Variants in WFDC10A observed in about 807,000 individuals in gnomAD.
WFDC10A encodes the protein WAP four-disulfide core domain 10A, also known as WAP four-disulfide core domain protein 10A.
A neutral mutation model predicts 2.6 loss-of-function variants in WFDC10A; 2 were observed. The ratio of observed to expected loss-of-function variants is 0.76; its 90% CI spans 0.31 to 2.40. The LOEUF (loss-of-function observed/expected upper bound fraction) is 2.40. Among genes scored for constraint, WFDC10A ranks in the 30% most tolerant of loss-of-function variants. The pLI, the probability that WFDC10A is intolerant of heterozygous loss-of-function variation, is 0.12. For missense variants in WFDC10A, 84 were observed against 91.8 expected, an observed-to-expected ratio of 0.92 and a Z score of 0.35; for synonymous variants, 36 against 36.3, an observed-to-expected ratio of 0.99 and a Z score of 0.03.
chr20:45,630,780 C>T lies in WFDC10A; in HGVS notation c.92-90C>T. 6 of 1,382,822 alleles carry T rather than the reference C, an allele frequency of 4.3e-6. No individual in the cohort carries two copies. In the South Asian group the frequency reaches 9.6e-5, roughly 22 times the overall value. 85.7% of individuals were successfully genotyped at this position (1,382,822 alleles called of 1,614,324 possible). On this transcript the variant is annotated intron_variant, in intron 1 of 1. Transcript: ENST00000372643. ...AATCCAGGAGTATCATGACTGAGAC[C>T]TGGGTTCAAGGGTCTTGGAGGAGGC...
At chr20:45,630,806 T>C in intron 1 of WFDC10A, 64 bp from the exon 2 acceptor site, 2 of 1,496,400 alleles carry the variant, frequency 1.3e-6, no homozygotes, top group Non-Finnish European at 1.8e-6. Context: ...TGGAGGAGGC[T>C]TCAGCTTGAG....
chr20:45,630,050 TAA>T, intron 1 of WFDC10A, 146 bp downstream of exon 1: 2 of 1,161,134 alleles, frequency 1.7e-6, no homozygotes, highest in South Asian at 3.5e-5. Flanking sequence ...GGACTGTCCC[TAA>T]ACCATGGCCC....
intron 1 of WFDC10A, 92 bp from the exon 2 acceptor site, chr20:45,630,778 A>C (rs1982343850): frequency 2.9e-6 from 4 of 1,365,798 alleles, no homozygotes; most frequent in Non-Finnish European, 3.9e-6. Context: ...CATGACTGAG[A>C]CCTGGGTTCA....
Position 45,631,150 on chromosome 20 carries a change from C to A in WFDC10A, c.*132C>A. 9.6e-7 allele frequency: 1 copy of A among 1,038,928 alleles called. No homozygotes were observed. Among genetic ancestry groups the A allele is most frequent in the Non-Finnish European group, 1.3e-6 (1 of 761,618 alleles). The allele number at this position is 1,038,928 out of a possible 1,614,324, so 64.4% of individuals were successfully genotyped here. A position where few individuals can be genotyped will look rare whatever the true frequency, so the allele number is the denominator to read the frequency against. On this transcript the variant is annotated 3_prime_UTR_variant, in exon 2 of 2. Transcript: ENST00000372643. ...ACAGGAATGCCGCCCTCTCTACTGTCTGAACCCCTTGTCCCTGTCAAATAA... is the reference window on the plus strand; with the variant it reads ...ACAGGAATGCCGCCCTCTCTACTGTATGAACCCCTTGTCCCTGTCAAATAA...
intron 1 of WFDC10A, 86 bp downstream of exon 1, chr20:45,629,990 T>C: frequency 2.0e-6 from 3 of 1,533,854 alleles, no homozygotes; most frequent in African/African-American, 1.4e-5. Flanking sequence ...GACCTAGGAG[T>C]TGGAAACTCT....
rs138335721 is a variant in WFDC10A, at chr20:45,629,834, G to A, written c.21G>A (p.Leu7=). MAPQTL[L]PVLVLCVLLL... ...GAGTCATGGCACCCCAGACTCTGCTGCCTGTCCTGGTTCTCTGTGTGCTGC... is the reference window on the plus strand; with the variant it reads ...GAGTCATGGCACCCCAGACTCTGCTACCTGTCCTGGTTCTCTGTGTGCTGC... Residue 7 remains leucine (L), a synonymous_variant, in exon 1 of 2, where the codon CTG becomes CTA. Coordinates refer to ENST00000372643, the MANE Select transcript of WFDC10A (RefSeq NM_080753.3). The A allele has an allele frequency of 6.4e-4, 1,037 of 1,614,008 alleles. 5 individuals carry two copies. The African/African-American group carries it at 0.012, about 19-fold the overall frequency.
chr20:45,629,966 T>TC lies in WFDC10A; in HGVS notation c.91+64dup, dbSNP rs1982317105. The TC allele has an allele frequency of 7.5e-6, 12 of 1,589,494 alleles. No homozygotes were observed. The East Asian group carries it at 2.7e-4, about 36-fold the overall frequency. Reference sequence around the variant, plus strand: ...GGGTAGGGGGAATGGAGGGCCTGTGTCCAGTCTGAGTAGGACCTAGGAGTT... The same window carrying TC: ...GGGTAGGGGGAATGGAGGGCCTGTGTCCCAGTCTGAGTAGGACCTAGGAGTT... On this transcript the variant is annotated intron_variant, in intron 1 of 1. Coordinates refer to ENST00000372643, the MANE Select transcript of WFDC10A (RefSeq NM_080753.3).
intron 1 of WFDC10A, among the ~76,000 whole-genome samples, chr20:45,630,527 T>G (rs530058301): frequency 1.4e-4 from 22 of 152,282 alleles, no homozygotes; most frequent in African/African-American, 5.3e-4. Context: ...AGATGTCTCA[T>G]GCTTCTTTGA....
rs1258523074 is a variant in WFDC10A, at chr20:45,631,183, C to T, written c.*165C>T. On this transcript the variant is annotated 3_prime_UTR_variant, in exon 2 of 2. Coordinates refer to ENST00000372643, the MANE Select transcript of WFDC10A (RefSeq NM_080753.3). The stretch of plus-strand genomic sequence containing the variant: ...CTTGTCCCTGTCAAATAAACCAGAA[C>T]AAATGCCCAGGGATCCTACCTCTTT... The T allele has an allele frequency of 2.8e-6, 2 of 702,678 alleles. No individual in the cohort carries two copies. Among genetic ancestry groups the T allele is most frequent in the South Asian group, 4.2e-5 (1 of 23,612 alleles). 43.5% of individuals were successfully genotyped at this position (702,678 alleles called of 1,614,324 possible).
At position 45,629,831 on chromosome 20, in the gene WFDC10A, G is replaced by T; in HGVS notation, c.18G>T (p.Leu6=). The T allele has an allele frequency of 6.2e-7, 1 of 1,613,920 alleles. No homozygotes were observed. The highest frequency in any genetic ancestry group is 8.5e-7 in the Non-Finnish European group (1 of 1,179,956). The change falls in exon 1 of 2, where the codon CTG becomes CTT. Residue 6 remains leucine, a synonymous_variant. Transcript: ENST00000372643. ...TCAGAGTCATGGCACCCCAGACTCT[G>T]CTGCCTGTCCTGGTTCTCTGTGTGC... MAPQT[L]LPVLVLCVLL...
intron 1 of WFDC10A, among the ~76,000 whole-genome samples, chr20:45,630,155 G>A (rs1982323136): frequency 6.6e-6 from 1 of 152,152 alleles, no homozygotes; most frequent in South Asian, 2.1e-4. Flanking sequence ...GAGAGAAATG[G>A]CACATCCCAT....
In WFDC10A at chr20:45,629,849, C is replaced by G; in HGVS notation, c.36C>G (p.Leu12=). The G allele has an allele frequency of 6.2e-7, 1 of 1,614,044 alleles. No individual in the cohort carries two copies. The highest frequency in any genetic ancestry group is 8.5e-7 in the Non-Finnish European group (1 of 1,179,996). ...APQTLLPVLV[L]CVLLLQAQGG... ...AGACTCTGCTGCCTGTCCTGGTTCT[C>G]TGTGTGCTGCTGCTGCAGGCCCAGG... Residue 12 remains leucine, a synonymous_variant, in exon 1 of 2, where the codon CTC becomes CTG. Coordinates refer to ENST00000372643, the MANE Select transcript of WFDC10A (RefSeq NM_080753.3).
At chr20:45,629,939 T>A in intron 1 of WFDC10A, 35 bp downstream of exon 1, 1 of 1,604,834 alleles carries the variant, frequency 6.2e-7, no homozygotes, top group Non-Finnish European at 8.5e-7. Flanking sequence ...TGAGGGGGAA[T>A]TGGGTAGGGG....
chr20:45,629,858 G>A lies in WFDC10A; in HGVS notation c.45G>A (p.Leu15=). Residue 15 remains leucine (L), a synonymous_variant, in exon 1 of 2, where the codon CTG becomes CTA. Transcript: ENST00000372643. ...TGCCTGTCCTGGTTCTCTGTGTGCT[G>A]CTGCTGCAGGCCCAGGGAGGATACC... The part of the protein sequence containing the change: ...TLLPVLVLCV[L]LLQAQGGYRD... The A allele has an allele frequency of 6.2e-7, 1 of 1,614,098 alleles. No homozygotes were observed. Among genetic ancestry groups the A allele is most frequent in the Non-Finnish European group, 8.5e-7 (1 of 1,180,006 alleles).
In WFDC10A at chr20:45,631,043, A is replaced by T. The variant is rs1192926683; in HGVS notation, c.*25A>T. On this transcript the variant is annotated 3_prime_UTR_variant, in exon 2 of 2. Transcript: ENST00000372643. ...AGTGGGAGAGTGGGCTGGGATGTGCATCCTGCTTCCCAACTCCTCTATCCA... is the reference window on the plus strand; with the variant it reads ...AGTGGGAGAGTGGGCTGGGATGTGCTTCCTGCTTCCCAACTCCTCTATCCA... 6.4e-7 allele frequency: 1 copy of T among 1,566,508 alleles called. No individual in the cohort carries two copies. The highest frequency in any genetic ancestry group is 8.6e-7 in the Non-Finnish European group (1 of 1,157,668).
At chr20:45,630,104 A>G (rs1157672) in intron 1 of WFDC10A, among the ~76,000 whole-genome samples, 200 bp downstream of exon 1, 53,615 of 152,064 alleles carry the variant, frequency 0.35, 9,558 homozygotes, top group Middle Eastern at 0.44. Flanking sequence ...ATGGGAATGA[A>G]GAAGAAACCT....
Position 45,629,772 on chromosome 20 carries a change from G to T in WFDC10A, c.-42G>T. The T allele has an allele frequency of 6.2e-7, 1 of 1,600,330 alleles. No homozygotes were observed. Among genetic ancestry groups the T allele is most frequent in the Non-Finnish European group, 8.5e-7 (1 of 1,172,574 alleles). On this transcript the variant is annotated 5_prime_UTR_variant, in exon 1 of 2. Transcript: ENST00000372643. ...TAGACAGCTCTGCAGGGAAGTCTGTGACAACCTGGCCAGACATAGGGCTCA... is the reference window on the plus strand; with the variant it reads ...TAGACAGCTCTGCAGGGAAGTCTGTTACAACCTGGCCAGACATAGGGCTCA...
At chr20:45,630,754 G>GT in intron 1 of WFDC10A, 116 bp from the exon 2 acceptor site, 1 of 1,170,246 alleles carries the variant, frequency 8.5e-7, no homozygotes. Context: ...TATGAAGAAG[G>GT]AATCCAGGAG....
At chr20:45,629,944 T>G in intron 1 of WFDC10A, 40 bp downstream of exon 1, 1 of 1,569,572 alleles carries the variant, frequency 6.4e-7, no homozygotes, top group Non-Finnish European at 8.7e-7. Context: ...GGGAATTGGG[T>G]AGGGGGAATG....
Sources: allele counts gnomAD v4.1 joint callset (sites outside exome capture counted in the v4.1 genomes callset), GRCh38; gene constraint gnomAD v4.1.1; transcripts MANE v1.5; gene names NCBI Gene and HGNC (gene_info 2026-07-23, HGNC 2026-07-21).